The following C12orf56 variants were observed in gnomAD, a reference collection of about 807,000 sequenced individuals.
C12orf56 encodes the protein chromosome 12 open reading frame 56, also known as uncharacterized protein C12orf56.
A neutral mutation model predicts 69.9 loss-of-function variants in C12orf56; 71 were observed. That is an observed-to-expected ratio of 1.02 (90% CI 0.84 to 1.24). The LOEUF (loss-of-function observed/expected upper bound fraction) is 1.24. C12orf56 is among the 50% of genes most tolerant of loss of function. The probability of loss-of-function intolerance (pLI) is 0.00; values close to 1 mark genes in which losing one functional copy is unlikely to be tolerated. For synonymous variants in C12orf56, 276 were observed against 274.1 expected (o/e 1.01, Z -0.07); for missense variants, 732 against 738.5 (o/e 0.99, Z 0.10).
chr12:64,271,089 C>T (rs1350705902), intron 11 of C12orf56, among the ~76,000 whole-genome samples: 1 of 151,808 alleles, frequency 6.6e-6, no homozygotes, highest in Non-Finnish European at 1.5e-5. Flanking sequence ...TCGCTTAATT[C>T]GGGAGGCAGA....
chr12:64,313,754 C>T (rs958207679), intron 4 of C12orf56, among the ~76,000 whole-genome samples: 1 of 151,322 alleles, frequency 6.6e-6, no homozygotes, highest in Non-Finnish European at 1.5e-5. Flanking sequence ...TATAGATTTA[C>T]CGATTTACAG....
chr12:64,308,330 C>A (rs1021738706), intron 5 of C12orf56, among the ~76,000 whole-genome samples: 11 of 152,008 alleles, frequency 7.2e-5, no homozygotes, highest in African/African-American at 1.9e-4. Flanking sequence ...TCAATAAATA[C>A]ATACATACAT....
At chr12:64,369,207 C>CA (rs1555194606) in intron 1 of C12orf56, among the ~76,000 whole-genome samples, 1 of 149,274 alleles carries the variant, frequency 6.7e-6, no homozygotes, top group Non-Finnish European at 1.5e-5. Context: ...AGTTAAATGT[C>CA]TTTTTTTTTA....
At chr12:64,333,151 G>A (rs916050915) in intron 2 of C12orf56, among the ~76,000 whole-genome samples, 4 of 152,158 alleles carry the variant, frequency 2.6e-5, no homozygotes, top group Admixed American at 1.3e-4. Context: ...TCAGATCACA[G>A]ATTACAGAAT....
chr12:64,381,446 A>G (rs541499612), intron 1 of C12orf56, among the ~76,000 whole-genome samples: 1 of 152,370 alleles, frequency 6.6e-6, no homozygotes, highest in East Asian at 1.9e-4. Context: ...TGTTAGTCCT[A>G]CAATGGCAGT....
chr12:64,293,259 C>T (rs927206228), intron 6 of C12orf56: 1 of 152,206 alleles, frequency 6.6e-6, no homozygotes, highest in Admixed American at 6.5e-5. Context: ...TCTGGCACTC[C>T]CTAGTGAGAG....
At chr12:64,325,379 A>C (rs2038825662) in intron 3 of C12orf56, among the ~76,000 whole-genome samples, 2 of 151,402 alleles carry the variant, frequency 1.3e-5, no homozygotes, top group African/African-American at 4.9e-5. Flanking sequence ...AAAAAAGAAG[A>C]AGAAGAAGAA....
At chr12:64,306,402 T>C (rs2038511635) in intron 5 of C12orf56, among the ~76,000 whole-genome samples, 1 of 151,464 alleles carries the variant, frequency 6.6e-6, no homozygotes, top group African/African-American at 2.4e-5. Context: ...AGCAAAATAG[T>C]GTTGCAGGAA....
chr12:64,271,576 G>A (rs1346555755), intron 11 of C12orf56, among the ~76,000 whole-genome samples: 1 of 152,208 alleles, frequency 6.6e-6, no homozygotes, highest in Non-Finnish European at 1.5e-5. Context: ...ATTAGTATCA[G>A]TAAAAATGTG....
chr12:64,319,196 CTG>C (rs1303926515), intron 3 of C12orf56, among the ~76,000 whole-genome samples: 5 of 152,152 alleles, frequency 3.3e-5, no homozygotes, highest in African/African-American at 1.2e-4. Flanking sequence ...CAGAAATAAA[CTG>C]TATTTCGGAA....
chr12:64,377,294 G>A (rs547554743), intron 1 of C12orf56, among the ~76,000 whole-genome samples: 100 of 149,850 alleles, frequency 6.7e-4, no homozygotes, highest in Admixed American at 2.1e-3. Flanking sequence ...GGATTCAAAC[G>A]ATTCTCAGCC....
chr12:64,361,088 G>A (rs369662055), intron 1 of C12orf56, among the ~76,000 whole-genome samples: 73 of 152,044 alleles, frequency 4.8e-4, no homozygotes, highest in African/African-American at 3.6e-4. Context: ...GTGTGGTGGC[G>A]TGCACCTGTA....
At chr12:64,372,617 G>A (rs1260560879) in intron 1 of C12orf56, among the ~76,000 whole-genome samples, 3 of 152,144 alleles carry the variant, frequency 2.0e-5, no homozygotes, top group Admixed American at 6.5e-5. Flanking sequence ...AGGTTCAAGC[G>A]ATTCTCCTCC....
chr12:64,378,765 A>C (rs73118396), intron 1 of C12orf56, among the ~76,000 whole-genome samples: 23,787 of 151,502 alleles, frequency 0.16, 1,914 homozygotes, highest in Middle Eastern at 0.26. Context: ...AATGAACAGA[A>C]CCTGGCTGGG....
intron 1 of C12orf56, among the ~76,000 whole-genome samples, chr12:64,357,170 T>C (rs2039329727): frequency 6.6e-6 from 1 of 151,968 alleles, no homozygotes; most frequent in African/African-American, 2.4e-5. Context: ...GGAAATAATT[T>C]GGTCTATTTA....
intron 6 of C12orf56, among the ~76,000 whole-genome samples, chr12:64,286,402 T>C (rs898367392): frequency 2.0e-5 from 3 of 152,214 alleles, no homozygotes; most frequent in African/African-American, 7.2e-5. Context: ...CTATAATTTC[T>C]GCCTTTCCAA....
At chr12:64,287,246 A>G in intron 6 of C12orf56, among the ~76,000 whole-genome samples, 1 of 20,868 alleles carries the variant, frequency 4.8e-5, no homozygotes, top group African/African-American at 2.2e-4. Flanking sequence ...ACTCCATCAA[A>G]AAAAAAAAAA....
Position 64,303,730 on chromosome 12 carries a change from G to A in C12orf56, c.1018C>T (p.Leu340Phe), listed in dbSNP as rs1261654620. Residue 340 changes from leucine to phenylalanine, a missense_variant, in exon 6 of 13, where the codon CTT becomes TTT. By Grantham distance (22) the Leu-to-Phe change is conservative. Coordinates refer to ENST00000543942, the MANE Select transcript of C12orf56 (RefSeq NM_001170633.2). ...HFSQLKSELF[L>F]KDNSLRRILS... is the part of the protein sequence containing the mutation. ...ATCCTCCTCAAAGAATTGTCTTTAA[G>A]AAAAAGTTCAGATTTAAGTTGACTG... 1 of 1,585,510 alleles carries A rather than the reference G, an allele frequency of 6.3e-7. No individual in the cohort carries two copies. The highest frequency in any genetic ancestry group is 1.3e-5 in the African/African-American group (1 of 74,452).
intron 12 of C12orf56, 138 bp from the exon 13 acceptor site, chr12:64,267,426 C>T (rs1383010740): frequency 3.0e-6 from 2 of 669,518 alleles, no homozygotes; most frequent in Non-Finnish European, 5.1e-6. Context: ...TCAGCATTTT[C>T]AGATCTCCAA....
Sources: gnomAD v4.1 joint callset for allele counts (sites outside exome capture counted in the v4.1 genomes callset) on GRCh38, gnomAD v4.1.1 for gene constraint, MANE v1.5 for transcripts, NCBI Gene and HGNC (gene_info 2026-07-23, HGNC 2026-07-21) for gene names.